The following RHNO1 variants were observed in gnomAD, a reference collection of about 807,000 sequenced individuals.
The protein encoded by RHNO1 is RAD9-HUS1-RAD1 interacting nuclear orphan 1.
Under a neutral mutation model 7.2 loss-of-function variants are expected in RHNO1, and 9 were observed. That is an observed-to-expected ratio of 1.25 (90% CI 0.75 to 2.18). The LOEUF (loss-of-function observed/expected upper bound fraction) is 2.18. Among genes scored for constraint, RHNO1 ranks in the 30% most tolerant of loss-of-function variants. The pLI, the probability that RHNO1 is intolerant of heterozygous loss-of-function variation, is 0.00. For synonymous variants in RHNO1, 95 were observed against 107.5 expected (o/e 0.88, Z 0.72); for missense variants, 292 against 284.5 (o/e 1.03, Z -0.19).
Position 2,888,170 on chromosome 12 carries a change from A to C in RHNO1, c.428A>C (p.Gln143Pro). Residue 143 changes from glutamine to proline, a missense_variant, in exon 3 of 3, where the codon CAG (glutamine) becomes CCG (proline). Coordinates refer to ENST00000489288, the MANE Select transcript of RHNO1 (RefSeq NM_001252499.3). The stretch of plus-strand genomic sequence containing the variant: ...CAAAGCTGTGGGAACATGTCAGTGC[A>C]GGCACTTCAGAGCTTACCTTATGTG... The part of the protein sequence containing the change: ...SPQSCGNMSV[Q>P]ALQSLPYVFI... The C allele has an allele frequency of 1.2e-6, 2 of 1,614,114 alleles. No individual in the cohort carries two copies. Among genetic ancestry groups the C allele is most frequent in the Non-Finnish European group, 1.7e-6 (2 of 1,180,018 alleles).
chr12:2,881,351 C>A (rs1334986926), intron 1 of RHNO1, among the ~76,000 whole-genome samples: 1 of 151,990 alleles, frequency 6.6e-6, no homozygotes, highest in African/African-American at 2.4e-5. Flanking sequence ...AATCTGCCCG[C>A]CTCAGCTCCC....
intron 1 of RHNO1, among the ~76,000 whole-genome samples, chr12:2,879,503 T>A (rs945150490): frequency 6.6e-6 from 1 of 151,708 alleles, no homozygotes; most frequent in African/African-American, 2.4e-5. Context: ...CACCTGATTT[T>A]TTGTATTTTT....
rs149069143 is a variant in RHNO1, at chr12:2,888,276, C to G, written c.534C>G (p.Ser178Arg). 127 of 1,614,004 alleles carry G rather than the reference C, an allele frequency of 7.9e-5. No homozygotes were observed. The highest frequency in any genetic ancestry group is 1.0e-4 in the Non-Finnish European group (123 of 1,180,032). Residue 178 changes from serine (S) to arginine (R), a missense_variant, in exon 3 of 3, where the codon AGC becomes AGG. Ser to Arg is a moderately radical substitution (Grantham distance 110). Coordinates refer to ENST00000489288, the MANE Select transcript of RHNO1 (RefSeq NM_001252499.3). ...TTCCCCAAGATCAGAAGGAAAACAG[C>G]CTTCTAAGCTGCACTCTTCACACTG... is the stretch of plus-strand genomic sequence containing the variant. ...ELIPQDQKEN[S>R]LLSCTLHTGT...
chr12:2,876,893 G>C (rs1020395121), upstream of RHNO1: 8 of 152,668 alleles, frequency 5.2e-5, no homozygotes, highest in Non-Finnish European at 8.8e-5. Context: ...GGCCAGGCCT[G>C]GGACTCCATT....
chr12:2,884,133 T>C (rs779248792), intron 1 of RHNO1, among the ~76,000 whole-genome samples: 4 of 151,766 alleles, frequency 2.6e-5, no homozygotes, highest in Admixed American at 2.0e-4. Flanking sequence ...CAATCTCGGC[T>C]CATTGTAACC....
Position 2,888,733 on chromosome 12 carries a change from T to A in RHNO1, c.*274T>A. 3.6e-6 allele frequency: 1 copy of A among 275,892 alleles called. No homozygotes were observed. Among genetic ancestry groups the A allele is most frequent in the South Asian group, 9.2e-5 (1 of 10,882 alleles). The allele number at this position is 275,892 out of a possible 1,614,324, so 17.1% of individuals were successfully genotyped here. ...TTAGTAGAGATGTGGTTTCTCCATG[T>A]TGGCCAGGCTGGTCTCAAAATCCTG... On this transcript the variant is annotated 3_prime_UTR_variant, in exon 3 of 3. Coordinates refer to ENST00000489288, the MANE Select transcript of RHNO1 (RefSeq NM_001252499.3).
intron 2 of RHNO1, chr12:2,886,321 AG>A: frequency 6.6e-6 from 1 of 152,300 alleles, no homozygotes; most frequent in East Asian, 1.9e-4. Context: ...AAACCCCATA[AG>A]AATAGCATAT....
At chr12:2,880,463 C>G (rs939614491) in intron 1 of RHNO1, among the ~76,000 whole-genome samples, 8 of 151,536 alleles carry the variant, frequency 5.3e-5, no homozygotes, top group African/African-American at 1.9e-4. Flanking sequence ...CTAAAAAATA[C>G]TATAATTAGC....
At chr12:2,887,468 ACT>A (rs1449205560) in intron 2 of RHNO1, among the ~76,000 whole-genome samples, 3 of 141,416 alleles carry the variant, frequency 2.1e-5, no homozygotes, top group African/African-American at 8.1e-5. Flanking sequence ...CAAGAGCAAA[ACT>A]CTGTCTCCAA....
chr12:2,880,839 A>C (rs757249163), intron 1 of RHNO1, among the ~76,000 whole-genome samples: 1 of 151,844 alleles, frequency 6.6e-6, no homozygotes, highest in Non-Finnish European at 1.5e-5. Context: ...AGGTCTCTCT[A>C]TGTTGCCCAG....
rs147036003 is a variant in RHNO1 at position 2,880,343 on chromosome 12, G to A, written c.-85+3061G>A. On this transcript the variant is annotated intron_variant, in intron 1 of 2. Transcript: ENST00000489288. Reference sequence around the variant, plus strand: ...TAAAATAAAAATGTTCAGGCTGGGCGTGGTGGCTCACGCCTGTAATCCCAG... The same window carrying A: ...TAAAATAAAAATGTTCAGGCTGGGCATGGTGGCTCACGCCTGTAATCCCAG... Among the ~76,000 whole-genome samples, 3 of 151,854 alleles carry A rather than the reference G, an allele frequency of 2.0e-5. No individual in the cohort carries two copies. In the East Asian group the frequency reaches 5.8e-4, roughly 29 times the overall value.
intron 2 of RHNO1, chr12:2,887,116 G>A (rs2098166513): frequency 1.0e-5 from 4 of 400,652 alleles, no homozygotes; most frequent in Admixed American, 7.5e-5. Context: ...GCTGAGGTGG[G>A]TGGATCACTT....
chr12:2,880,839 A>G (rs757249163), intron 1 of RHNO1, among the ~76,000 whole-genome samples: 1 of 151,962 alleles, frequency 6.6e-6, no homozygotes, highest in South Asian at 2.1e-4. Context: ...AGGTCTCTCT[A>G]TGTTGCCCAG....
At chr12:2,879,571 C>T (rs909850205) in intron 1 of RHNO1, among the ~76,000 whole-genome samples, 3 of 151,608 alleles carry the variant, frequency 2.0e-5, no homozygotes, top group East Asian at 3.9e-4. Context: ...TGAGCTCAAG[C>T]GATCTGCCCA....
rs73040528 is a variant in RHNO1, at chr12:2,885,339, T to C, written c.-28T>C. The C allele has an allele frequency of 4.3e-3, 6,854 of 1,604,960 alleles. 27 individuals are homozygous for C. Among genetic ancestry groups the C allele is most frequent in the South Asian group, 5.1e-3 (461 of 89,950 alleles). ...CCCGAAGGCTAACAGCATCATGTGG[T>C]TACTAACTGTTCCTCATTCACCGGT... On this transcript the variant is annotated 5_prime_UTR_variant, in exon 2 of 3. Transcript: ENST00000489288.
At chr12:2,885,189 T>G (rs1407007844) in intron 1 of RHNO1, 94 bp from the exon 2 acceptor site, 3 of 600,944 alleles carry the variant, frequency 5.0e-6, no homozygotes, top group Non-Finnish European at 8.8e-6. Flanking sequence ...CCCCAAAGCC[T>G]TGAAGTTTAT....
intron 1 of RHNO1, chr12:2,885,039 G>T: frequency 4.0e-6 from 1 of 252,182 alleles, no homozygotes; most frequent in Non-Finnish European, 7.5e-6. Flanking sequence ...GTTAATGATT[G>T]TTGAATAAAT....
chr12:2,885,560 C>CTTTT lies in RHNO1; in HGVS notation c.168+26_168+27insTTTT, dbSNP rs2098164432. ...GTAGGCCCATGGGATTACTATTTGACATTTTTTTTTTTTTTTTTTTTTTTT... is the reference window on the plus strand; with the variant it reads ...GTAGGCCCATGGGATTACTATTTGACTTTTATTTTTTTTTTTTTTTTTTTTTTTT... On this transcript the variant is annotated intron_variant, in intron 2 of 2. Coordinates refer to ENST00000489288, the MANE Select transcript of RHNO1 (RefSeq NM_001252499.3). 52 of 737,650 alleles carry CTTTT rather than the reference C, an allele frequency of 7.0e-5. 8 individuals are homozygous for CTTTT. In the African/African-American group the frequency reaches 8.9e-4, roughly 13 times the overall value. 45.7% of individuals were successfully genotyped at this position (737,650 alleles called of 1,614,324 possible).
At chr12:2,882,895 C>T (rs955181497) in intron 1 of RHNO1, among the ~76,000 whole-genome samples, 1 of 151,896 alleles carries the variant, frequency 6.6e-6, no homozygotes, top group Non-Finnish European at 1.5e-5. Context: ...GACCTCATCT[C>T]TATAAAAAAT....
Sources: gnomAD v4.1 joint callset for allele counts (sites outside exome capture counted in the v4.1 genomes callset) on GRCh38, gnomAD v4.1.1 for gene constraint, MANE v1.5 for transcripts, NCBI Gene and HGNC (gene_info 2026-07-23, HGNC 2026-07-21) for gene names.